CLIP2: variants seen among roughly 807,000 people sequenced by gnomAD.
CLIP2 encodes the protein CAP-Gly domain containing linker protein 2, also known as CAP-Gly domain-containing linker protein 2.
CLIP2 carries 41 observed loss-of-function variants against 111.7 expected under a neutral mutation model. That is an observed-to-expected ratio of 0.37 (90% CI 0.29 to 0.48). The LOEUF is 0.48. Among genes scored for constraint, CLIP2 ranks in the 20% least tolerant of loss-of-function variants. The probability of loss-of-function intolerance (pLI) is 0.99; values close to 1 mark genes in which losing one functional copy is unlikely to be tolerated. For synonymous variants in CLIP2, 660 were observed against 644.2 expected (o/e 1.02, Z -0.37); for missense variants, 1,160 against 1,422.1 (o/e 0.82, Z 2.96).
At chr7:74,340,093 C>CAAT (rs374889797) in intron 3 of CLIP2, among the ~76,000 whole-genome samples, 39 of 150,748 alleles carry the variant, frequency 2.6e-4, no homozygotes, top group East Asian at 9.8e-4. Context: ...GACCCTGTTT[C>CAAT]AATAATAATA....
intron 1 of CLIP2, among the ~76,000 whole-genome samples, chr7:74,311,370 G>T (rs1554728500): frequency 6.6e-6 from 1 of 152,060 alleles, no homozygotes; most frequent in Non-Finnish European, 1.5e-5. Context: ...CATTTCAGTT[G>T]TTCTGCATCC....
At chr7:74,381,479 G>T (rs1790945847) in intron 11 of CLIP2, 3 of 397,194 alleles carry the variant, frequency 7.6e-6, no homozygotes, top group Non-Finnish European at 1.5e-5. Flanking sequence ...GAGCCACCGT[G>T]CCTAGCTGGT....
chr7:74,337,270 GGA>G (rs1388914328), intron 2 of CLIP2, among the ~76,000 whole-genome samples: 8 of 152,164 alleles, frequency 5.3e-5, no homozygotes, highest in Admixed American at 6.6e-5. Flanking sequence ...GGGAGGCCCA[GGA>G]GAGAGTTAGG....
chr7:74,365,108 C>G (rs1359796866), intron 8 of CLIP2, among the ~76,000 whole-genome samples: 1 of 151,294 alleles, frequency 6.6e-6, no homozygotes, highest in Non-Finnish European at 1.5e-5. Context: ...GAGCCTCAGC[C>G]CAGCTCAGCA....
chr7:74,299,056 G>A (rs1216918625), intron 1 of CLIP2, among the ~76,000 whole-genome samples: 1 of 152,016 alleles, frequency 6.6e-6, no homozygotes, highest in African/African-American at 2.4e-5. Context: ...TTGAGGCCAG[G>A]TATGGTGGCT....
chr7:74,337,359 T>G (rs1308840680), intron 2 of CLIP2, among the ~76,000 whole-genome samples: 2 of 151,960 alleles, frequency 1.3e-5, no homozygotes, highest in African/African-American at 4.8e-5. Context: ...GTCCCTCTAT[T>G]AGGAAATAGG....
chr7:74,399,836 G>C (rs560870003), intron 14 of CLIP2, among the ~76,000 whole-genome samples: 2 of 151,334 alleles, frequency 1.3e-5, no homozygotes, highest in Non-Finnish European at 2.9e-5. Context: ...CACCAGGCTC[G>C]GTCTCTGTCT....
rs558064316 is a variant in CLIP2, at chr7:74,348,107, T to C, written c.679-5773T>C. Among the ~76,000 whole-genome samples the C allele has an allele frequency of 4.0e-5, 6 of 151,380 alleles. No homozygotes were observed. The South Asian group carries it at 1.3e-3, about 32-fold the overall frequency. ...AGGCCGTAGAATTGGGAGGCAGAGG[T>C]TACAGTGAGCCGAGATCATGCCACT... On this transcript the variant is annotated intron_variant, in intron 3 of 16. Coordinates refer to ENST00000223398, the MANE Select transcript of CLIP2 (RefSeq NM_003388.5).
intron 3 of CLIP2, among the ~76,000 whole-genome samples, chr7:74,350,890 G>A (rs1054640176): frequency 3.4e-5 from 5 of 145,926 alleles, no homozygotes; most frequent in African/African-American, 1.0e-4. Context: ...GAGAGAGAAA[G>A]AAGGAAGGAA....
chr7:74,393,951 A>G (rs1222345533), intron 13 of CLIP2, among the ~76,000 whole-genome samples: 1 of 152,080 alleles, frequency 6.6e-6, no homozygotes, highest in Non-Finnish European at 1.5e-5. Flanking sequence ...TCCCATCCTA[A>G]GTGGAAAAGT....
intron 1 of CLIP2, among the ~76,000 whole-genome samples, chr7:74,303,437 C>A (rs188758114): frequency 6.6e-6 from 1 of 151,956 alleles, no homozygotes; most frequent in African/African-American, 2.4e-5. Context: ...CTGGGTAGGG[C>A]TTGGGGAGCC....
At chr7:74,297,687 C>A (rs943181009) in intron 1 of CLIP2, among the ~76,000 whole-genome samples, 11 of 152,104 alleles carry the variant, frequency 7.2e-5, no homozygotes, top group Admixed American at 2.0e-4. Context: ...GAATGTTGAT[C>A]TGCTTCTCTC....
chr7:74,353,769 G>A (rs1554307984), intron 3 of CLIP2, 111 bp from the exon 4 acceptor site: 1 of 1,468,806 alleles, frequency 6.8e-7, no homozygotes, highest in East Asian at 2.3e-5. Flanking sequence ...TGGCTCCCGT[G>A]TCCTCTGCAT....
At position 74,401,530 on chromosome 7, in the gene CLIP2, A is replaced by G. The variant is rs1554317655; in HGVS notation, c.3092A>G (p.Asn1031Ser). 6.2e-7 allele frequency: 1 copy of G among 1,614,082 alleles called. No individual in the cohort carries two copies. ...AQTIGNSGSANGIHQQDKAQK... is the reference protein window; with the variant it reads ...AQTIGNSGSASGIHQQDKAQK... ...ACCATCGGCAATTCCGGTTCTGCAA[A>G]CGGCATCCACCAGCAGGACAAAGCT... is the stretch of plus-strand genomic sequence containing the variant. Residue 1031 changes from asparagine (N) to serine (S), a missense_variant, in exon 16 of 17, where the codon AAC (asparagine) becomes AGC (serine). Asn to Ser is a conservative substitution (Grantham distance 46, BLOSUM62 1). Transcript: ENST00000223398.
At chr7:74,298,757 C>T (rs2116451487) in intron 1 of CLIP2, among the ~76,000 whole-genome samples, 1 of 152,150 alleles carries the variant, frequency 6.6e-6, no homozygotes, top group Non-Finnish European at 1.5e-5. Context: ...TGGTCTCAAA[C>T]TCCTGACCTC....
At position 74,401,525 on chromosome 7, in the gene CLIP2, T is replaced by A; in HGVS notation, c.3087T>A (p.Ser1029=). The A allele has an allele frequency of 6.2e-7, 1 of 1,614,132 alleles. No homozygotes were observed. Among genetic ancestry groups the A allele is most frequent in the Non-Finnish European group, 8.5e-7 (1 of 1,180,002 alleles). The change falls in exon 16 of 17, where the codon TCT becomes TCA. Residue 1029 remains serine, a synonymous_variant. Transcript: ENST00000223398. ...TCCAGACCATCGGCAATTCCGGTTC[T>A]GCAAACGGCATCCACCAGCAGGACA... The part of the protein sequence containing the change: ...DKAQTIGNSG[S]ANGIHQQDKA...
At chr7:74,366,792 CT>C (rs1375187515) in intron 8 of CLIP2, among the ~76,000 whole-genome samples, 10 of 146,124 alleles carry the variant, frequency 6.8e-5, no homozygotes, top group Non-Finnish European at 1.5e-4. Flanking sequence ...AGGAGAATCA[CT>C]TGAAATTGGG....
At chr7:74,388,948 C>T (rs782119363) in intron 12 of CLIP2, 155 bp from the exon 13 acceptor site, 113 of 835,864 alleles carry the variant, frequency 1.4e-4, no homozygotes, top group Non-Finnish European at 1.8e-4. Flanking sequence ...AGAGCCAGAC[C>T]CAATCTCTAA....
intron 8 of CLIP2, among the ~76,000 whole-genome samples, chr7:74,369,499 C>G (rs1299314642): frequency 6.6e-6 from 1 of 151,866 alleles, no homozygotes; most frequent in Non-Finnish European, 1.5e-5. Context: ...GCTATGATGG[C>G]GCCACTGCAC....
Sources: allele counts gnomAD v4.1 joint callset (sites outside exome capture counted in the v4.1 genomes callset), GRCh38; gene constraint gnomAD v4.1.1; transcripts MANE v1.5; gene names NCBI Gene and HGNC (gene_info 2026-07-23, HGNC 2026-07-21).